Variants in MDGA2 observed in about 807,000 individuals in gnomAD.
MDGA2 encodes MAM domain-containing glycosylphosphatidylinositol anchor protein 2.
Under a neutral mutation model 117.8 loss-of-function variants are expected in MDGA2, and 40 were observed. The ratio of observed to expected loss-of-function variants is 0.34; its 90% CI spans 0.26 to 0.44. The LOEUF (loss-of-function observed/expected upper bound fraction) is 0.44. MDGA2 is among the 20% of genes least tolerant of loss of function. The pLI is 1.00. For synonymous variants in MDGA2, 452 were observed against 439.0 expected (o/e 1.03, Z -0.37); for missense variants, 1,123 against 1,250.6 (o/e 0.90, Z 1.54).
chr14:47,557,721 CTATAGA>C (rs1895711205), intron 1 of MDGA2, among the ~76,000 whole-genome samples: 1 of 152,154 alleles, frequency 6.6e-6, no homozygotes, highest in African/African-American at 2.4e-5. Flanking sequence ...ACGTCAGGCA[CTATAGA>C]TATAATGTGA....
chr14:47,106,314 C>A (rs1032947591), intron 5 of MDGA2, among the ~76,000 whole-genome samples: 2 of 152,042 alleles, frequency 1.3e-5, no homozygotes, highest in Non-Finnish European at 2.9e-5. Flanking sequence ...TCAAGGTGTA[C>A]CATAATAGAA....
At chr14:47,528,020 A>G (rs1456091104) in intron 1 of MDGA2, among the ~76,000 whole-genome samples, 1 of 152,230 alleles carries the variant, frequency 6.6e-6, no homozygotes, top group Non-Finnish European at 1.5e-5. Context: ...GAAGCTAACA[A>G]AATAAGACTC....
chr14:46,908,631 C>G (rs1443352633), intron 10 of MDGA2, among the ~76,000 whole-genome samples: 10 of 152,036 alleles, frequency 6.6e-5, no homozygotes, highest in Admixed American at 6.6e-4. Flanking sequence ...ATAATACATC[C>G]TCAAAATATA....
intron 2 of MDGA2, among the ~76,000 whole-genome samples, chr14:47,284,647 GC>G (rs2139749935): frequency 6.6e-6 from 1 of 152,208 alleles, no homozygotes; most frequent in South Asian, 2.1e-4. Flanking sequence ...ACATGTGTCA[GC>G]CTTTATGAGT....
At chr14:47,139,126 T>C (rs1199264826) in intron 4 of MDGA2, among the ~76,000 whole-genome samples, 3 of 152,130 alleles carry the variant, frequency 2.0e-5, no homozygotes, top group Admixed American at 6.6e-5. Context: ...AACATTATTA[T>C]TGAAAACATA....
At chr14:47,483,193 T>C (rs570129265) in intron 1 of MDGA2, among the ~76,000 whole-genome samples, 1 of 152,284 alleles carries the variant, frequency 6.6e-6, no homozygotes, top group African/African-American at 2.4e-5. Flanking sequence ...TTCCAAAACA[T>C]TTAATATCTA....
At chr14:47,059,278 CATTCT>C in intron 7 of MDGA2, 1 of 1,239,124 alleles carries the variant, frequency 8.1e-7, no homozygotes, top group Non-Finnish European at 1.1e-6. Context: ...GTAGAGCTTC[CATTCT>C]ATGGAGAAAC....
intron 2 of MDGA2, among the ~76,000 whole-genome samples, chr14:47,270,721 A>G (rs1888115420): frequency 6.6e-6 from 1 of 152,268 alleles, no homozygotes; most frequent in South Asian, 2.1e-4. Context: ...ACTGTAAGAA[A>G]ACTACAAATA....
At chr14:47,316,380 T>G (rs529519907) in intron 1 of MDGA2, among the ~76,000 whole-genome samples, 16 of 152,286 alleles carry the variant, frequency 1.1e-4, no homozygotes, top group African/African-American at 3.1e-4. Context: ...CAACTTTATG[T>G]ATATTGCCCA....
chr14:47,062,882 T>G (rs569781696), intron 6 of MDGA2, among the ~76,000 whole-genome samples: 13 of 152,230 alleles, frequency 8.5e-5, no homozygotes, highest in Admixed American at 8.5e-4. Flanking sequence ...TATTTTCATC[T>G]GCTTTCTTGT....
chr14:47,489,014 C>A (rs749144773), intron 1 of MDGA2, among the ~76,000 whole-genome samples: 1 of 151,858 alleles, frequency 6.6e-6, no homozygotes, highest in African/African-American at 2.4e-5. Context: ...AAAAATTAAT[C>A]TTCTTGTATA....
chr14:46,871,570 A>G (rs1353909080), intron 14 of MDGA2: 2 of 152,724 alleles, frequency 1.3e-5, no homozygotes, highest in Non-Finnish European at 2.9e-5. Flanking sequence ...GTACTCCATA[A>G]ATGTCAACTA....
chr14:47,160,405 C>A (rs760956819), intron 3 of MDGA2, among the ~76,000 whole-genome samples: 2 of 152,030 alleles, frequency 1.3e-5, no homozygotes, highest in African/African-American at 2.4e-5. Flanking sequence ...ACAACAACAA[C>A]AAAAAAGCAG....
chr14:46,894,073 G>A (rs1595026844), intron 10 of MDGA2, among the ~76,000 whole-genome samples: 1 of 152,058 alleles, frequency 6.6e-6, no homozygotes, highest in South Asian at 2.1e-4. Context: ...AAAACGAAAA[G>A]TAGTAACTCT....
chr14:46,853,534 A>G (rs1042970138), intron 15 of MDGA2, among the ~76,000 whole-genome samples: 67 of 151,904 alleles, frequency 4.4e-4, no homozygotes, highest in Admixed American at 4.4e-3. Context: ...CACATTACAT[A>G]CAGAAGAATA....
intron 6 of MDGA2, among the ~76,000 whole-genome samples, chr14:47,066,994 A>G (rs1334825201): frequency 6.6e-6 from 1 of 152,090 alleles, no homozygotes; most frequent in African/African-American, 2.4e-5. Flanking sequence ...AGGCGCCTGT[A>G]ATCCCAGCTA....
intron 8 of MDGA2, among the ~76,000 whole-genome samples, chr14:47,029,055 A>T (rs532965384): frequency 6.6e-5 from 10 of 152,244 alleles, no homozygotes; most frequent in African/African-American, 2.4e-4. Context: ...CACTAATTCT[A>T]TCTCAACGCT....
intron 1 of MDGA2, among the ~76,000 whole-genome samples, chr14:47,651,474 A>G (rs1279786489): frequency 6.6e-6 from 1 of 152,162 alleles, no homozygotes; most frequent in African/African-American, 2.4e-5. Context: ...GGGCAGGGCC[A>G]TATCTGGAGT....
chr14:47,445,657 C>G (rs1216821692), intron 1 of MDGA2, among the ~76,000 whole-genome samples: 3 of 152,116 alleles, frequency 2.0e-5, no homozygotes, highest in Non-Finnish European at 4.4e-5. Flanking sequence ...TTCTTACCCA[C>G]TCTTACTCAT....
Sources: gnomAD v4.1 joint callset for allele counts (sites outside exome capture counted in the v4.1 genomes callset) on GRCh38, gnomAD v4.1.1 for gene constraint, MANE v1.5 for transcripts, NCBI Gene and HGNC (gene_info 2026-07-23, HGNC 2026-07-21) for gene names.